The following TLN2 variants were observed in gnomAD, a reference collection of about 807,000 sequenced individuals.
TLN2 encodes the protein talin-2.
In TLN2, 118 loss-of-function variants were observed where a neutral mutation model predicts 294.7. The observed-to-expected ratio is 0.40, with a 90% CI of 0.34 to 0.47. TLN2 has a LOEUF of 0.47. Among genes scored for constraint, TLN2 ranks in the 20% least tolerant of loss-of-function variants. The pLI is 0.84. For missense variants in TLN2, 3,083 were observed against 3,282.2 expected, an observed-to-expected ratio of 0.94 and a Z score of 1.48; for synonymous variants, 1,431 against 1,304.5, an observed-to-expected ratio of 1.10 and a Z score of -2.09.
intron 1 of TLN2, among the ~76,000 whole-genome samples, chr15:62,558,080 G>A (rs528579147): frequency 6.6e-6 from 1 of 152,168 alleles, no homozygotes; most frequent in Non-Finnish European, 1.5e-5. Context: ...TATATCTGAA[G>A]AAAAGACTTT....
At position 62,702,056 on chromosome 15, in the gene TLN2, G is replaced by A. The variant is rs2058749648; in HGVS notation, c.1761G>A (p.Leu587=). 6.2e-7 allele frequency: 1 copy of A among 1,614,140 alleles called. No individual in the cohort carries two copies. The highest frequency in any genetic ancestry group is 1.3e-5 in the African/African-American group (1 of 74,948). ...CGATCACCACTATTTCTTCCAACCT[G>A]ACGGAGATGTCCAAGGGTGTGAAGC... ...GCAITTISSN[L]TEMSKGVKLL... Residue 587 remains leucine, a synonymous_variant, in exon 18 of 59, where the codon CTG becomes CTA. Transcript: ENST00000636159.
chr15:62,539,024 T>G (rs963318615), intron 1 of TLN2, among the ~76,000 whole-genome samples: 1 of 152,184 alleles, frequency 6.6e-6, no homozygotes, highest in Non-Finnish European at 1.5e-5. Flanking sequence ...AGTTGTGATT[T>G]GCAAAGGGAG....
intron 33 of TLN2, among the ~76,000 whole-genome samples, chr15:62,750,056 G>C (rs1166750872): frequency 1.3e-5 from 2 of 152,238 alleles, no homozygotes; most frequent in South Asian, 4.1e-4. Flanking sequence ...CTGCTGAGAA[G>C]TTGTGCTAAT....
chr15:62,673,841 T>C lies in TLN2; in HGVS notation c.803T>C (p.Leu268Pro). The stretch of plus-strand genomic sequence containing the variant: ...CTCTCTCTTAGTCTGAAGGAATTCC[T>C]GCCCAAAGAATATATCAAGCAGAGA... ...KPGFLDLKEF[L>P]PKEYIKQRGA... is the part of the protein sequence containing the mutation. Residue 268 changes from leucine to proline, a missense_variant, in exon 10 of 59, where the codon CTG becomes CCG. Physicochemically the swap from Leu to Pro is moderately conservative, Grantham distance 98. Coordinates refer to ENST00000636159, the MANE Select transcript of TLN2 (RefSeq NM_015059.3). 1 of 1,613,292 alleles carries C rather than the reference T, an allele frequency of 6.2e-7. No individual in the cohort carries two copies. Among genetic ancestry groups the C allele is most frequent in the Non-Finnish European group, 8.5e-7 (1 of 1,179,534 alleles).
At chr15:62,751,096 C>T (rs1280270638) in intron 34 of TLN2, among the ~76,000 whole-genome samples, 5 of 151,408 alleles carry the variant, frequency 3.3e-5, no homozygotes, top group Non-Finnish European at 7.4e-5. Context: ...TATTCTTTGG[C>T]ATTTGATTAG....
At chr15:62,819,691 G>T in intron 53 of TLN2, 70 bp downstream of exon 53, 1 of 1,405,568 alleles carries the variant, frequency 7.1e-7, no homozygotes, top group South Asian at 1.2e-5. Context: ...AGACTGAGCA[G>T]AGGAAAAGCA....
rs2070202243 is a variant in TLN2 at position 62,838,944 on chromosome 15, T to C, written c.7463T>C (p.Val2488Ala). Reference sequence around the variant, plus strand: ...TTTGGCAAAGCTGATGACGACGATGTTGTAGTGAAAACCAAGTTTGTGGGG... The same window carrying C: ...TTTGGCAAAGCTGATGACGACGATGCTGTAGTGAAAACCAAGTTTGTGGGG... ...AAFGKADDDD[V>A]VVKTKFVGGI... Residue 2488 changes from valine (V) to alanine (A), a missense_variant, in exon 58 of 59, where the codon GTT (valine) becomes GCT (alanine). By Grantham distance (64) the Val-to-Ala change is moderately conservative. Transcript: ENST00000636159. 3 of 1,614,166 alleles carry C rather than the reference T, an allele frequency of 1.9e-6. No homozygotes were observed. The highest frequency in any genetic ancestry group is 2.5e-6 in the Non-Finnish European group (3 of 1,180,012).
intron 9 of TLN2, among the ~76,000 whole-genome samples, chr15:62,665,929 T>C (rs2054581667): frequency 6.6e-6 from 1 of 152,220 alleles, no homozygotes; most frequent in African/African-American, 2.4e-5. Context: ...TTCCTCCCAG[T>C]GAACTTTTGT....
chr15:62,533,630 GTTAC>G (rs1253187389), intron 1 of TLN2, among the ~76,000 whole-genome samples: 1 of 152,116 alleles, frequency 6.6e-6, no homozygotes. Context: ...CATCTCATGG[GTTAC>G]TTAAAGAAGT....
At chr15:62,693,912 GT>G (rs1013384777) in intron 13 of TLN2, among the ~76,000 whole-genome samples, 2 of 139,250 alleles carry the variant, frequency 1.4e-5, no homozygotes, top group Non-Finnish European at 1.5e-5. Flanking sequence ...CCTTCAAAAT[GT>G]TTTTTTAAAG....
rs183999783 is a variant in TLN2 at position 62,791,838 on chromosome 15, C to T, written c.5737-803C>T. Among the ~76,000 whole-genome samples the T allele has an allele frequency of 2.8e-4, 42 of 152,254 alleles. 1 individual carries two copies. The highest frequency in any genetic ancestry group is 1.8e-3 in the Admixed American group (28 of 15,294). On this transcript the variant is annotated intron_variant, in intron 45 of 58. Transcript: ENST00000636159. ...AATGAAATTTGATGTGAAACAGGGC[C>T]GGAGGAATGCAAACTTCGGGGAGGT...
At chr15:62,825,823 TATTATA>T in intron 54 of TLN2, among the ~76,000 whole-genome samples, 1 of 36,422 alleles carries the variant, frequency 2.7e-5, no homozygotes, top group Non-Finnish European at 4.9e-5. Context: ...TTATAATATA[TATTATA>T]ATATATAATA....
intron 52 of TLN2, among the ~76,000 whole-genome samples, chr15:62,812,038 T>TA (rs952485116): frequency 6.6e-6 from 1 of 151,120 alleles, no homozygotes; most frequent in African/African-American, 2.4e-5. Context: ...AATAAATAAA[T>TA]AAATAAATAA....
At position 62,803,069 on chromosome 15, in the gene TLN2, C is replaced by T. The variant is rs182922735; in HGVS notation, c.6477+2300C>T. On this transcript the variant is annotated intron_variant, in intron 50 of 58. Coordinates refer to ENST00000636159, the MANE Select transcript of TLN2 (RefSeq NM_015059.3). ...AAAGCTTTTTAACTTGATGTAATCCCATTTGTCTGTTTTCATCAGCTATAC... is the reference window on the plus strand; with the variant it reads ...AAAGCTTTTTAACTTGATGTAATCCTATTTGTCTGTTTTCATCAGCTATAC... Among the ~76,000 whole-genome samples, 183 of 152,150 alleles carry T rather than the reference C, an allele frequency of 1.2e-3. 3 individuals carry two copies. The highest frequency in any genetic ancestry group is 4.3e-3 in the African/African-American group (177 of 41,518).
intron 42 of TLN2, among the ~76,000 whole-genome samples, chr15:62,773,143 G>T (rs933528088): frequency 3.3e-4 from 45 of 135,674 alleles, no homozygotes; most frequent in Admixed American, 9.8e-4. Flanking sequence ...CAGAGATGGG[G>T]TCTCGCCATG....
intron 3 of TLN2, among the ~76,000 whole-genome samples, chr15:62,622,496 T>C (rs544012607): frequency 6.6e-6 from 1 of 152,306 alleles, no homozygotes; most frequent in South Asian, 2.1e-4. Context: ...TATTAAGCAC[T>C]TGCCCCTTGA....
intron 1 of TLN2, among the ~76,000 whole-genome samples, chr15:62,424,249 C>G (rs2034577799): frequency 6.6e-6 from 1 of 152,162 alleles, no homozygotes. Flanking sequence ...GGGGAGCCCA[C>G]TCGTGTCATG....
At chr15:62,448,098 C>T (rs551474901) in intron 1 of TLN2, among the ~76,000 whole-genome samples, 22 of 152,280 alleles carry the variant, frequency 1.4e-4, no homozygotes, top group Admixed American at 1.2e-3. Context: ...ATTTAGGAGA[C>T]GAACTTGGAG....
chr15:62,691,451 G>A (rs1347830801), intron 12 of TLN2, among the ~76,000 whole-genome samples: 1 of 151,776 alleles, frequency 6.6e-6, no homozygotes, highest in Non-Finnish European at 1.5e-5. Context: ...TCTTTTTTAT[G>A]ACTTCTGTTT....
Sources: gnomAD v4.1 joint callset for allele counts (sites outside exome capture counted in the v4.1 genomes callset) on GRCh38, gnomAD v4.1.1 for gene constraint, MANE v1.5 for transcripts, NCBI Gene and HGNC (gene_info 2026-07-23, HGNC 2026-07-21) for gene names.